Variants in TENM4 observed in about 807,000 individuals in gnomAD.
TENM4 encodes the protein teneurin transmembrane protein 4, also known as teneurin-4.
Under a neutral mutation model 243.3 loss-of-function variants are expected in TENM4, and 82 were observed. That is an observed-to-expected ratio of 0.34 (90% CI 0.28 to 0.40). The LOEUF is 0.40. Ranked by LOEUF, TENM4 falls within the 10% of genes least tolerant of loss-of-function variation. TENM4 has a pLI of 1.00. For synonymous variants in TENM4, 1,412 were observed against 1,456.3 expected, an observed-to-expected ratio of 0.97 and a Z score of 0.69; for missense variants, 3,138 against 3,673.3, an observed-to-expected ratio of 0.85 and a Z score of 3.77.
At chr11:79,226,806 T>G (rs539040190) in intron 2 of TENM4, among the ~76,000 whole-genome samples, 1 of 152,328 alleles carries the variant, frequency 6.6e-6, no homozygotes, top group Non-Finnish European at 1.5e-5. Flanking sequence ...ATGATGGTTT[T>G]TATCAAGCTG....
At chr11:78,920,992 TA>T (rs1280146732) in intron 6 of TENM4, among the ~76,000 whole-genome samples, 1 of 152,198 alleles carries the variant, frequency 6.6e-6, no homozygotes, top group Non-Finnish European at 1.5e-5. Context: ...CTGTGAAGTT[TA>T]ACGCTATCAA....
rs556924323 is a variant in TENM4, at chr11:78,816,247, T to C, written c.1682-1852A>G. Among the ~76,000 whole-genome samples the C allele has an allele frequency of 6.6e-5, 10 of 152,344 alleles. No individual in the cohort carries two copies. In the East Asian group the frequency reaches 1.9e-3, roughly 29 times the overall value. On this transcript the variant is annotated intron_variant, in intron 12 of 33. Transcript: ENST00000278550. ...ACTCCATACCCTGGGCACCTTGCTATGGAGATACCTAGGTAGAAAATCCCT... is the reference window on the plus strand; with the variant it reads ...ACTCCATACCCTGGGCACCTTGCTACGGAGATACCTAGGTAGAAAATCCCT...
At chr11:79,419,643 T>C (rs1858890342) in intron 1 of TENM4, among the ~76,000 whole-genome samples, 1 of 152,334 alleles carries the variant, frequency 6.6e-6, no homozygotes, top group South Asian at 2.1e-4. Flanking sequence ...TTGCTTGACA[T>C]TTCCTAGTTT....
intron 29 of TENM4, among the ~76,000 whole-genome samples, chr11:78,683,875 T>C (rs1476953909): frequency 6.6e-6 from 1 of 152,262 alleles, no homozygotes; most frequent in Admixed American, 6.5e-5. Flanking sequence ...AGAGTTTCTT[T>C]CTATAGATGA....
chr11:78,658,382 G>A lies in TENM4; in HGVS notation c.7986C>T (p.Arg2662=). The stretch of plus-strand genomic sequence containing the variant: ...CGTACTGGAGCTGGATGTCTGTGTA[G>A]CGTCTAGTCCTGCCATTAAGTACTG... The part of the protein sequence containing the change: ...INTVLNGRTR[R]YTDIQLQYGA... Residue 2662 remains arginine, a synonymous_variant, in exon 34 of 34, where the codon CGC becomes CGT. Transcript: ENST00000278550. 1 of 1,614,066 alleles carries A rather than the reference G, an allele frequency of 6.2e-7. No homozygotes were observed. Among genetic ancestry groups the A allele is most frequent in the South Asian group, 1.1e-5 (1 of 91,090 alleles).
chr11:79,416,574 G>A (rs1858818140), intron 1 of TENM4, among the ~76,000 whole-genome samples: 1 of 152,076 alleles, frequency 6.6e-6, no homozygotes, highest in African/African-American at 2.4e-5. Context: ...GTTTATTAAG[G>A]TACAACCCTA....
intron 9 of TENM4, among the ~76,000 whole-genome samples, chr11:78,885,392 A>C (rs928488341): frequency 6.6e-6 from 1 of 152,164 alleles, no homozygotes; most frequent in Non-Finnish European, 1.5e-5. Context: ...CTCTGAAGAG[A>C]TCCCACAGCT....
At position 78,656,781 on chromosome 11, in the gene TENM4, C is replaced by G. The variant is rs1003511773; in HGVS notation, c.*1277G>C. The G allele has an allele frequency of 8.0e-6, 3 of 375,406 alleles. No individual in the cohort carries two copies. Among genetic ancestry groups the G allele is most frequent in the African/African-American group, 6.2e-5 (3 of 48,198 alleles). The allele number at this position is 375,406 out of a possible 1,614,324, so 23.3% of individuals were successfully genotyped here. On this transcript the variant is annotated 3_prime_UTR_variant, in exon 34 of 34. Transcript: ENST00000278550. Reference sequence around the variant, plus strand: ...TGGGTGGGCTTCTCTAGAGGGGAAGCTGTTTCAGAACTTCAGGAATTTCCT... The same window carrying G: ...TGGGTGGGCTTCTCTAGAGGGGAAGGTGTTTCAGAACTTCAGGAATTTCCT...
chr11:78,708,603 C>T, intron 26 of TENM4, 88 bp from the exon 27 acceptor site: 2 of 1,457,586 alleles, frequency 1.4e-6, no homozygotes, highest in Middle Eastern at 1.8e-4. Flanking sequence ...TGACAGAGCA[C>T]CTCCTCTACA....
At chr11:79,289,590 T>G (rs1221185030) in intron 2 of TENM4, among the ~76,000 whole-genome samples, 1 of 152,244 alleles carries the variant, frequency 6.6e-6, no homozygotes, top group African/African-American at 2.4e-5. Flanking sequence ...CTGTGATTGC[T>G]TTGCAGCTCA....
intron 20 of TENM4, among the ~76,000 whole-genome samples, chr11:78,737,494 T>A (rs192516919): frequency 6.6e-6 from 1 of 152,244 alleles, no homozygotes; most frequent in Non-Finnish European, 1.5e-5. Flanking sequence ...ACATCTGATA[T>A]TGGATTAAAG....
Position 79,402,067 on chromosome 11 carries a change from G to A in TENM4, c.-321+38442C>T, listed in dbSNP as rs759794948. On this transcript the variant is annotated intron_variant, in intron 1 of 33. Coordinates refer to ENST00000278550, the MANE Select transcript of TENM4 (RefSeq NM_001098816.3). The stretch of plus-strand genomic sequence containing the variant: ...ACAGTCTAGTTGTGTTCATGTGCAA[G>A]TCATTTACCCCCAGCTAGATTGTAA... The A allele has an allele frequency of 1.3e-5, 6 of 453,424 alleles. No individual in the cohort carries two copies. The East Asian group carries it at 3.8e-4, about 28-fold the overall frequency. 28.1% of individuals were successfully genotyped at this position (453,424 alleles called of 1,614,324 possible). A position where few individuals can be genotyped will look rare whatever the true frequency, so the allele number is the denominator to read the frequency against.
intron 6 of TENM4, among the ~76,000 whole-genome samples, chr11:78,934,867 T>C (rs1454017353): frequency 6.9e-6 from 1 of 144,678 alleles, no homozygotes; most frequent in Admixed American, 6.7e-5. Flanking sequence ...AAGTTTTTTT[T>C]ATTTTTTATT....
intron 1 of TENM4, among the ~76,000 whole-genome samples, chr11:79,314,658 C>T (rs891462494): frequency 2.0e-5 from 3 of 152,156 alleles, no homozygotes; most frequent in Non-Finnish European, 4.4e-5. Flanking sequence ...TTGTTAGATG[C>T]TTTATGGGAG....
At chr11:78,866,673 C>T (rs760919215) in intron 9 of TENM4, among the ~76,000 whole-genome samples, 1 of 152,178 alleles carries the variant, frequency 6.6e-6, no homozygotes, top group African/African-American at 2.4e-5. Flanking sequence ...CAGAGGCCAA[C>T]ACAGCTGTGA....
At chr11:79,201,415 T>C (rs1423769240) in intron 3 of TENM4, among the ~76,000 whole-genome samples, 5 of 151,738 alleles carry the variant, frequency 3.3e-5, no homozygotes, top group Admixed American at 6.6e-5. Flanking sequence ...TTATCATCTC[T>C]GAGTCTTGGG....
At chr11:79,053,044 C>A (rs189887273) in intron 6 of TENM4, among the ~76,000 whole-genome samples, 3 of 152,320 alleles carry the variant, frequency 2.0e-5, no homozygotes, top group African/African-American at 7.2e-5. Flanking sequence ...TTTGCCTCAG[C>A]TCTGCTTTCT....
At chr11:79,333,834 T>A (rs934862480) in intron 1 of TENM4, among the ~76,000 whole-genome samples, 1 of 152,238 alleles carries the variant, frequency 6.6e-6, no homozygotes, top group Non-Finnish European at 1.5e-5. Context: ...GTGACTTGTC[T>A]ACGATCATCT....
At chr11:79,364,302 C>A (rs928466848) in intron 1 of TENM4, among the ~76,000 whole-genome samples, 2 of 152,124 alleles carry the variant, frequency 1.3e-5, no homozygotes, top group Non-Finnish European at 1.5e-5. Context: ...AATCTCAGCA[C>A]CCCCCGGCCC....
Sources: gnomAD v4.1 joint callset for allele counts (sites outside exome capture counted in the v4.1 genomes callset) on GRCh38, gnomAD v4.1.1 for gene constraint, MANE v1.5 for transcripts, NCBI Gene and HGNC (gene_info 2026-07-23, HGNC 2026-07-21) for gene names.